Variants in CBLB observed in about 807,000 individuals in gnomAD.
CBLB encodes the protein E3 ubiquitin-protein ligase CBL-B.
CBLB carries 31 observed loss-of-function variants against 104.9 expected under a neutral mutation model. The observed-to-expected ratio is 0.30, with a 90% CI of 0.22 to 0.40. CBLB has a LOEUF of 0.40. Ranked by LOEUF, CBLB falls within the 10% of genes least tolerant of loss-of-function variation. The pLI is 1.00. For synonymous variants in CBLB, 440 were observed against 422.6 expected, an observed-to-expected ratio of 1.04 and a Z score of -0.51; for missense variants, 1,062 against 1,214.6, an observed-to-expected ratio of 0.87 and a Z score of 1.87.
Position 105,704,010 on chromosome 3 carries a change from C to T in CBLB, c.1571G>A (p.Gly524Asp), listed in dbSNP as rs764934208. Reference protein sequence around the residue: ...IQKGIVRSPCGSPTGSPKSSP... With the variant: ...IQKGIVRSPCDSPTGSPKSSP... Reference sequence around the variant, plus strand: ...TACCTTTGGTGAACCCGTTGGGCTGCCACAGGGAGATCTAACTATGCCTTT... The same window carrying T: ...TACCTTTGGTGAACCCGTTGGGCTGTCACAGGGAGATCTAACTATGCCTTT... Residue 524 changes from glycine (G) to aspartate (D), a missense_variant, in exon 11 of 19, where the codon GGC becomes GAC. This residue lies in a region of CBLB where 605 missense variants were observed against 582.6 expected (regional missense o/e 1.04). Transcript: ENST00000394030. The T allele has an allele frequency of 1.6e-5, 26 of 1,614,094 alleles. No individual in the cohort carries two copies. Among genetic ancestry groups the T allele is most frequent in the Non-Finnish European group, 2.0e-5 (24 of 1,179,972 alleles).
intron 4 of CBLB, among the ~76,000 whole-genome samples, chr3:105,769,284 C>T (rs1387760087): frequency 6.6e-6 from 1 of 152,070 alleles, no homozygotes; most frequent in Non-Finnish European, 1.5e-5. Context: ...CGCCATTGCA[C>T]TCTAGCCTGG....
intron 2 of CBLB, 110 bp from the exon 3 acceptor site, chr3:105,853,774 G>A (rs2091252743): frequency 1.3e-6 from 1 of 741,208 alleles, no homozygotes. Context: ...TATAAATAAT[G>A]ATCTTAACTT....
rs1261279856 is a variant in CBLB at position 105,692,891 on chromosome 3, G to T, written c.2054+603C>A. Reference sequence around the variant, plus strand: ...AATGAGAGATATCTAGTGTGCCTCTGGGGCCCCATTTTTCAAATGAGATAC... The same window carrying T: ...AATGAGAGATATCTAGTGTGCCTCTTGGGCCCCATTTTTCAAATGAGATAC... On this transcript the variant is annotated intron_variant, in intron 13 of 18. Transcript: ENST00000394030. Among the ~76,000 whole-genome samples, 3 of 147,968 alleles carry T rather than the reference G, an allele frequency of 2.0e-5. No individual in the cohort carries two copies. In the East Asian group the frequency reaches 5.9e-4, roughly 29 times the overall value.
intron 3 of CBLB, among the ~76,000 whole-genome samples, chr3:105,850,620 T>C (rs774875422): frequency 6.6e-5 from 10 of 152,198 alleles, no homozygotes; most frequent in Non-Finnish European, 1.0e-4. Flanking sequence ...TTGTTTAAGA[T>C]AGATCCTGAA....
At chr3:105,780,693 C>A (rs1369501728) in intron 3 of CBLB, among the ~76,000 whole-genome samples, 1 of 95,318 alleles carries the variant, frequency 1.0e-5, no homozygotes, top group South Asian at 3.5e-4. Context: ...GATGGAGTCT[C>A]GCTCTGTCAC....
At chr3:105,667,954 T>C (rs2064656768) in intron 18 of CBLB, among the ~76,000 whole-genome samples, 1 of 152,200 alleles carries the variant, frequency 6.6e-6, no homozygotes. Context: ...AAGGGTTGAA[T>C]GGAAAGACCT....
chr3:105,755,250 T>C (rs1305011763), intron 4 of CBLB, among the ~76,000 whole-genome samples: 4 of 152,006 alleles, frequency 2.6e-5, no homozygotes. Flanking sequence ...CATTGTTCAA[T>C]TCCCACCTAT....
At chr3:105,736,149 C>T (rs916626883) in intron 8 of CBLB, among the ~76,000 whole-genome samples, 1 of 152,042 alleles carries the variant, frequency 6.6e-6, no homozygotes, top group Admixed American at 6.6e-5. Context: ...TTACTTATTA[C>T]ACAAGGCGTG....
At chr3:105,857,001 C>G (rs2091685839) in intron 2 of CBLB, among the ~76,000 whole-genome samples, 1 of 152,170 alleles carries the variant, frequency 6.6e-6, no homozygotes, top group Admixed American at 6.5e-5. Flanking sequence ...CACCAACATT[C>G]TACAGCAGGC....
chr3:105,747,956 A>T (rs999987277), intron 5 of CBLB, among the ~76,000 whole-genome samples: 1 of 152,206 alleles, frequency 6.6e-6, no homozygotes, highest in Non-Finnish European at 1.5e-5. Flanking sequence ...CCAGCTTCTA[A>T]TTGCAAAAAT....
intron 10 of CBLB, among the ~76,000 whole-genome samples, chr3:105,710,424 T>C (rs2070896090): frequency 6.6e-6 from 1 of 151,948 alleles, no homozygotes. Flanking sequence ...CCAAAATCCT[T>C]ATGTAGAGGT....
intron 10 of CBLB, among the ~76,000 whole-genome samples, chr3:105,705,699 C>T (rs1425564471): frequency 6.6e-6 from 1 of 152,284 alleles, no homozygotes; most frequent in Admixed American, 6.5e-5. Flanking sequence ...ATTACCTGAC[C>T]GTGGTATTGT....
At chr3:105,760,644 C>CA (rs2077528855) in intron 4 of CBLB, among the ~76,000 whole-genome samples, 1 of 150,504 alleles carries the variant, frequency 6.6e-6, no homozygotes. Context: ...AATAATAAAA[C>CA]AAAGTTCCTT....
chr3:105,804,540 A>G (rs553783371), intron 3 of CBLB, among the ~76,000 whole-genome samples: 1 of 152,004 alleles, frequency 6.6e-6, no homozygotes, highest in African/African-American at 2.4e-5. Flanking sequence ...AAAATGTAAA[A>G]TATCTCATTA....
At chr3:105,818,594 T>C (rs12496588) in intron 3 of CBLB, among the ~76,000 whole-genome samples, 17,471 of 152,186 alleles carry the variant, frequency 0.11, 1,127 homozygotes, top group African/African-American at 0.16. Context: ...AAAAAAATCA[T>C]GAATAATTTT....
intron 3 of CBLB, among the ~76,000 whole-genome samples, chr3:105,831,690 G>A (rs2087553189): frequency 6.6e-6 from 1 of 152,080 alleles, no homozygotes; most frequent in African/African-American, 2.4e-5. Flanking sequence ...TTGATAGGAT[G>A]GTCAAAAAAG....
intron 13 of CBLB, among the ~76,000 whole-genome samples, chr3:105,689,133 A>G (rs1316627013): frequency 6.6e-6 from 1 of 151,982 alleles, no homozygotes; most frequent in Non-Finnish European, 1.5e-5. Flanking sequence ...GACAATATAC[A>G]ATATAGTTAT....
intron 18 of CBLB, among the ~76,000 whole-genome samples, chr3:105,666,483 C>T (rs1216221583): frequency 1.3e-5 from 2 of 151,840 alleles, no homozygotes; most frequent in Non-Finnish European, 2.9e-5. Flanking sequence ...GTCAGGAGTT[C>T]GAGACCAGCC....
rs538647741 is a variant in CBLB at position 105,789,851 on chromosome 3, A to G, written c.420-13309T>C. On this transcript the variant is annotated intron_variant, in intron 3 of 18. Coordinates refer to ENST00000394030, the MANE Select transcript of CBLB (RefSeq NM_170662.5). ...GGTCTCTGTTTAAAAGTCAAGCACT[A>G]TTAATAATCCTACTTATTAACACTA... Among the ~76,000 whole-genome samples, 26 of 152,334 alleles carry G rather than the reference A, an allele frequency of 1.7e-4. No individual in the cohort carries two copies. The East Asian group carries it at 4.0e-3, about 24-fold the overall frequency.
Sources: gnomAD v4.1 joint callset for allele counts (sites outside exome capture counted in the v4.1 genomes callset) on GRCh38, gnomAD v4.1.1 for gene constraint, gnomAD v4.1.1 regional missense constraint, MANE v1.5 for transcripts, NCBI Gene and HGNC (gene_info 2026-07-23, HGNC 2026-07-21) for gene names.